ZFAND3: variants seen among roughly 807,000 people sequenced by gnomAD.
ZFAND3 encodes the protein AN1-type zinc finger protein 3.
A neutral mutation model predicts 29.6 loss-of-function variants in ZFAND3; 10 were observed. The observed-to-expected ratio is 0.34, with a 90% CI of 0.21 to 0.57. The LOEUF is 0.57. Ranked by LOEUF, ZFAND3 falls within the 20% of genes least tolerant of loss-of-function variation. ZFAND3 has a pLI of 0.86. For missense variants in ZFAND3, 230 were observed against 304.5 expected, an observed-to-expected ratio of 0.76 and a Z score of 1.82; for synonymous variants, 128 against 112.6, an observed-to-expected ratio of 1.14 and a Z score of -0.87.
At chr6:37,910,486 C>A (rs1235382508) in intron 1 of ZFAND3, among the ~76,000 whole-genome samples, 1 of 152,062 alleles carries the variant, frequency 6.6e-6, no homozygotes, top group Non-Finnish European at 1.5e-5. Flanking sequence ...TTAAATCTTG[C>A]AAATATAAAT....
chr6:37,863,358 T>C (rs1764528524), intron 1 of ZFAND3, among the ~76,000 whole-genome samples: 1 of 152,216 alleles, frequency 6.6e-6, no homozygotes, highest in African/African-American at 2.4e-5. Flanking sequence ...GGAAAGAAAC[T>C]TCTGTAATCC....
chr6:38,111,395 G>A (rs1281142370), intron 4 of ZFAND3, among the ~76,000 whole-genome samples: 1 of 152,106 alleles, frequency 6.6e-6, no homozygotes, highest in Admixed American at 6.5e-5. Flanking sequence ...TATTGTATTA[G>A]GGATTATAAG....
chr6:37,981,818 A>G (rs2127432569), intron 2 of ZFAND3, among the ~76,000 whole-genome samples: 1 of 152,238 alleles, frequency 6.6e-6, no homozygotes, highest in East Asian at 1.9e-4. Context: ...AAAGCCTTGG[A>G]AGGTCCTAAT....
chr6:38,116,130 C>G (rs1403970225), intron 4 of ZFAND3, among the ~76,000 whole-genome samples: 1 of 152,190 alleles, frequency 6.6e-6, no homozygotes, highest in Admixed American at 6.5e-5. Flanking sequence ...TACAGAGATA[C>G]ATTAGACATA....
intron 5 of ZFAND3, among the ~76,000 whole-genome samples, chr6:38,143,410 C>G (rs948057503): frequency 1.3e-5 from 2 of 152,388 alleles, no homozygotes; most frequent in Middle Eastern, 3.4e-3. Context: ...AGGGAGGGCT[C>G]TCAATCACCG....
At chr6:38,092,348 G>T (rs1359934937) in intron 4 of ZFAND3, among the ~76,000 whole-genome samples, 1 of 152,172 alleles carries the variant, frequency 6.6e-6, no homozygotes, top group Non-Finnish European at 1.5e-5. Flanking sequence ...TGTGTATCTT[G>T]CCCCTGGGAG....
intron 1 of ZFAND3, among the ~76,000 whole-genome samples, chr6:37,834,854 C>CA (rs35865620): frequency 0.47 from 66,157 of 141,936 alleles, 16,551 homozygotes; most frequent in Non-Finnish European, 0.56. Context: ...ATGTATGTTT[C>CA]AAAAAAAAAA....
intron 1 of ZFAND3, among the ~76,000 whole-genome samples, chr6:37,825,424 G>A (rs1278248967): frequency 6.6e-6 from 1 of 152,182 alleles, no homozygotes; most frequent in East Asian, 1.9e-4. Flanking sequence ...TTCACTGTCG[G>A]TTCATTTATC....
At chr6:38,123,797 G>A (rs1304132667) in intron 5 of ZFAND3, among the ~76,000 whole-genome samples, 2 of 152,112 alleles carry the variant, frequency 1.3e-5, no homozygotes, top group Admixed American at 1.3e-4. Context: ...CCTTCTGGTG[G>A]GTTCTTGGTC....
intron 2 of ZFAND3, among the ~76,000 whole-genome samples, chr6:38,016,088 A>G (rs57180729): frequency 0.075 from 10,851 of 145,644 alleles, 457 homozygotes; most frequent in Non-Finnish European, 0.093. Context: ...GAGACCTAAG[A>G]CAGTAGTTCC....
intron 2 of ZFAND3, among the ~76,000 whole-genome samples, chr6:38,044,040 A>G (rs1004799858): frequency 3.9e-5 from 6 of 152,206 alleles, no homozygotes; most frequent in Admixed American, 6.5e-5. Context: ...ATTCTGGGAC[A>G]AGGTCTGTCA....
chr6:37,955,950 G>A (rs1310194384), intron 2 of ZFAND3, among the ~76,000 whole-genome samples: 1 of 152,178 alleles, frequency 6.6e-6, no homozygotes, highest in Non-Finnish European at 1.5e-5. Context: ...AAAATTGGTT[G>A]CCTGTGCTTG....
chr6:38,144,504 C>T (rs1766062886), intron 5 of ZFAND3, among the ~76,000 whole-genome samples: 1 of 152,132 alleles, frequency 6.6e-6, no homozygotes, highest in African/African-American at 2.4e-5. Flanking sequence ...CTGTGCTGCG[C>T]CCAGCACAGG....
chr6:37,964,267 A>G (rs887370254), intron 2 of ZFAND3, among the ~76,000 whole-genome samples: 1 of 152,178 alleles, frequency 6.6e-6, no homozygotes, highest in African/African-American at 2.4e-5. Flanking sequence ...TAGGTTCTGT[A>G]TCACATGACT....
chr6:37,945,632 C>A (rs1038993983), intron 2 of ZFAND3, among the ~76,000 whole-genome samples: 5 of 152,152 alleles, frequency 3.3e-5, no homozygotes, highest in Admixed American at 2.0e-4. Context: ...GCCTTGGCCT[C>A]CCAAAGTGTT....
At chr6:38,029,562 A>T (rs573605546) in intron 2 of ZFAND3, among the ~76,000 whole-genome samples, 1 of 152,328 alleles carries the variant, frequency 6.6e-6, no homozygotes, top group Admixed American at 6.5e-5. Flanking sequence ...GGCAATGACT[A>T]AAGTATGGAC....
chr6:38,017,197 T>C (rs150818483), intron 2 of ZFAND3, among the ~76,000 whole-genome samples: 2 of 152,274 alleles, frequency 1.3e-5, no homozygotes, highest in African/African-American at 4.8e-5. Flanking sequence ...GTGGTAGAAA[T>C]GGAGCATCTT....
intron 1 of ZFAND3, among the ~76,000 whole-genome samples, chr6:37,885,569 G>A (rs1390793787): frequency 2.6e-5 from 4 of 152,124 alleles, no homozygotes; most frequent in Non-Finnish European, 5.9e-5. Context: ...GCTTGAGCCT[G>A]GGAGGCGGAG....
In ZFAND3 at chr6:37,884,340, C is replaced by G. The variant is rs1367539634; in HGVS notation, c.72-45619C>G. Among the ~76,000 whole-genome samples the G allele has an allele frequency of 1.4e-5, 2 of 142,348 alleles. 1 individual carries two copies. The highest frequency in any genetic ancestry group is 5.8e-5 in the African/African-American group (2 of 34,496). The allele number at this position is 142,348 out of a possible 152,430, so 93.4% of individuals were successfully genotyped here. A position where few individuals can be genotyped will look rare whatever the true frequency, so the allele number is the denominator to read the frequency against. ...GAAACCTTATCTTTACTAAAAAATACAAAATTAGCCAGGCGTGGTGGCGCA... is the reference window on the plus strand; with the variant it reads ...GAAACCTTATCTTTACTAAAAAATAGAAAATTAGCCAGGCGTGGTGGCGCA... On this transcript the variant is annotated intron_variant, in intron 1 of 5. Coordinates refer to ENST00000287218, the MANE Select transcript of ZFAND3 (RefSeq NM_021943.3).
Sources: gnomAD v4.1 joint callset for allele counts (sites outside exome capture counted in the v4.1 genomes callset) on GRCh38, gnomAD v4.1.1 for gene constraint, MANE v1.5 for transcripts, NCBI Gene and HGNC (gene_info 2026-07-23, HGNC 2026-07-21) for gene names.